Variants in PRH1 observed in about 807,000 individuals in gnomAD.
PRH1 encodes proline rich protein HaeIII subfamily 1, also known as salivary acidic proline-rich phosphoprotein 1/2.
Under a neutral mutation model 7.9 loss-of-function variants are expected in PRH1, and 7 were observed. The observed-to-expected ratio is 0.89, with a 90% CI of 0.50 to 1.67. The LOEUF is 1.67. Among genes scored for constraint, PRH1 ranks in the 40% most tolerant of loss-of-function variants. The pLI is 0.00. For missense variants in PRH1, 109 were observed against 223.6 expected, an observed-to-expected ratio of 0.49 and a Z score of 3.27; for synonymous variants, 45 against 80.8, an observed-to-expected ratio of 0.56 and a Z score of 2.38.
chr12:11,099,853 T>C (rs1945182582), intron 1 of PRH1, among the ~76,000 whole-genome samples: 2 of 152,190 alleles, frequency 1.3e-5, no homozygotes, highest in South Asian at 2.1e-4. Flanking sequence ...CTTTGTTGTG[T>C]CAGGAATTGA....
intron 2 of PRH1, among the ~76,000 whole-genome samples, chr12:10,947,072 T>C (rs1950499219): frequency 6.6e-6 from 1 of 152,186 alleles, no homozygotes; most frequent in African/African-American, 2.4e-5. Context: ...ATAGAGTATG[T>C]GCCATGTGGC....
chr12:10,911,897 A>T (rs1259583865), intron 2 of PRH1, among the ~76,000 whole-genome samples: 9 of 152,120 alleles, frequency 5.9e-5, no homozygotes, highest in Non-Finnish European at 1.3e-4. Flanking sequence ...CACAACCCCT[A>T]TCTTCATTCC....
Position 11,079,146 on chromosome 12 carries a change from G to A in PRH1, n.124-31958C>T, listed in dbSNP as rs188950627. On this transcript the variant is annotated intron_variant and non_coding_transcript_variant, in intron 1 of 4. Coordinates refer to the PRH1 transcript ENST00000541977. Reference sequence around the variant, plus strand: ...ATTAATTATGTAATTAAAATATTCAGCAATTTTGTAAATATTTCGAAGTGC... The same window carrying A: ...ATTAATTATGTAATTAAAATATTCAACAATTTTGTAAATATTTCGAAGTGC... 7.5e-5 allele frequency: 11 copies of A among 146,466 alleles called. 1 individual carries two copies. Among genetic ancestry groups the A allele is most frequent in the African/African-American group, 2.7e-4 (11 of 40,092 alleles). The allele number at this position is 146,466 out of a possible 1,614,324, so 9.1% of individuals were successfully genotyped here. A position where few individuals can be genotyped will look rare whatever the true frequency, so the allele number is the denominator to read the frequency against.
intron 2 of PRH1, chr12:10,930,893 C>T (rs1479283057): frequency 2.5e-6 from 4 of 1,611,268 alleles, no homozygotes; most frequent in Non-Finnish European, 3.4e-6. Context: ...CCACAAGGAC[C>T]ACCCCAACAG....
chr12:11,041,554 C>T (rs943545483), intron 1 of PRH1, among the ~76,000 whole-genome samples: 5 of 152,186 alleles, frequency 3.3e-5, no homozygotes, highest in Admixed American at 2.6e-4. Context: ...ATTCCACTTT[C>T]AGCATTGGAC....
chr12:11,107,312 T>A (rs527738198), intron 1 of PRH1, among the ~76,000 whole-genome samples: 4 of 152,340 alleles, frequency 2.6e-5, no homozygotes, highest in South Asian at 2.1e-4. Flanking sequence ...AGAACTTCCA[T>A]TTTTGGGCAG....
At chr12:10,930,230 T>C (rs200341233) in intron 2 of PRH1, 1 of 1,603,308 alleles carries the variant, frequency 6.2e-7, no homozygotes, top group Non-Finnish European at 8.5e-7. Context: ...GAATGATTCA[T>C]GCAGTAACTT....
At chr12:11,068,928 G>A (rs1943941207) in intron 1 of PRH1, among the ~76,000 whole-genome samples, 1 of 151,710 alleles carries the variant, frequency 6.6e-6, no homozygotes, top group Non-Finnish European at 1.5e-5. Context: ...CATTTTTTGA[G>A]ACATGGTCTC....
At chr12:11,056,535 A>G (rs1943369115) in intron 1 of PRH1, among the ~76,000 whole-genome samples, 2 of 152,162 alleles carry the variant, frequency 1.3e-5, no homozygotes, top group Admixed American at 1.3e-4. Context: ...ATCACCTATA[A>G]AAAGCAGATG....
At chr12:11,084,419 A>T (rs1944613170) in intron 1 of PRH1, among the ~76,000 whole-genome samples, 1 of 150,844 alleles carries the variant, frequency 6.6e-6, no homozygotes, top group African/African-American at 2.4e-5. Context: ...TAGCTATTAA[A>T]ACTCAGTGAT....
chr12:11,047,514 TCA>T (rs1491523124), upstream of PRH1, among the ~76,000 whole-genome samples: 208 of 141,064 alleles, frequency 1.5e-3, no homozygotes, highest in South Asian at 0.016. Context: ...GATGTCAATT[TCA>T]AAAAAAAAAA....
In PRH1 at chr12:11,030,275, G is replaced by C. The variant is rs34763234; in HGVS notation, c.-126+16745C>G. 3 of 1,370,216 alleles carry C rather than the reference G, an allele frequency of 2.2e-6. No individual in the cohort carries two copies. The East Asian group carries it at 7.9e-5, about 36-fold the overall frequency. 84.9% of individuals were successfully genotyped at this position (1,370,216 alleles called of 1,614,324 possible). On this transcript the variant is annotated intron_variant, in intron 1 of 3. Coordinates refer to the PRH1 transcript ENST00000539853. ...TTTCTAGACTAATATTAGGTCAAAG[G>C]CTTTTCTAGGTATACGTTGGGAAAT...
chr12:11,089,848 C>T (rs527981688), intron 1 of PRH1, among the ~76,000 whole-genome samples: 2 of 112,294 alleles, frequency 1.8e-5, no homozygotes, highest in East Asian at 4.3e-4. Context: ...AACTCAGACA[C>T]CTGATACAGC....
chr12:11,112,179 A>T (rs1945608558), intron 1 of PRH1, among the ~76,000 whole-genome samples: 1 of 152,196 alleles, frequency 6.6e-6, no homozygotes, highest in Non-Finnish European at 1.5e-5. Flanking sequence ...GCAACCAAAA[A>T]AAGTCCAGGA....
chr12:11,108,713 C>T (rs1231200191), intron 1 of PRH1, among the ~76,000 whole-genome samples: 1 of 152,182 alleles, frequency 6.6e-6, no homozygotes, highest in Admixed American at 6.5e-5. Context: ...CCACCAGGGC[C>T]ATGGGTCTCA....
intron 1 of PRH1, among the ~76,000 whole-genome samples, chr12:11,082,381 G>A (rs1330502574): frequency 2.6e-5 from 3 of 113,528 alleles, no homozygotes; most frequent in Non-Finnish European, 4.1e-5. Context: ...CTTGGCTCAC[G>A]GCAACAGCTG....
In PRH1 at chr12:11,135,168, G is replaced by C. The variant is rs2597922; in HGVS notation, n.40-13988C>G. ...GTTCAGCAATTTTATAAGTATTCCT[G>C]AGTACCAGACCCTTTGATATATAAT... On this transcript the variant is annotated intron_variant and non_coding_transcript_variant, in intron 1 of 1. Transcript: ENST00000541175. 4.3e-3 allele frequency among the ~76,000 whole-genome samples: 654 copies of C among 152,060 alleles called. 5 individuals are homozygous for C. The highest frequency in any genetic ancestry group is 0.015 in the African/African-American group (632 of 41,470).
intron 1 of PRH1, among the ~76,000 whole-genome samples, chr12:11,027,972 G>A (rs1180310212): frequency 1.3e-5 from 2 of 152,216 alleles, no homozygotes; most frequent in Non-Finnish European, 2.9e-5. Context: ...TGCTCATAAA[G>A]CCAGCCATGA....
At chr12:11,166,563 A>T (rs1446114537) in intron 1 of PRH1, among the ~76,000 whole-genome samples, 1 of 152,150 alleles carries the variant, frequency 6.6e-6, no homozygotes, top group Admixed American at 6.5e-5. Flanking sequence ...AAGATCCAGA[A>T]CATGTGTAGT....
Sources: allele counts gnomAD v4.1 joint callset (sites outside exome capture counted in the v4.1 genomes callset), GRCh38; gene constraint gnomAD v4.1.1; transcripts MANE v1.5; gene names NCBI Gene and HGNC (gene_info 2026-07-23, HGNC 2026-07-21).